Variants in ZNF385D observed in about 807,000 individuals in gnomAD.
ZNF385D encodes the protein zinc finger protein 385D, also known as zinc finger protein 659.
ZNF385D carries 15 observed loss-of-function variants against 35.8 expected under a neutral mutation model. That is an observed-to-expected ratio of 0.42 (90% confidence interval 0.28 to 0.64). ZNF385D has a LOEUF of 0.64. ZNF385D is among the 30% of genes least tolerant of loss of function. The pLI is 0.23. For missense variants in ZNF385D, 474 were observed against 494.6 expected (o/e 0.96, Z 0.39); for synonymous variants, 212 against 186.8 (o/e 1.13, Z -1.10).
At chr3:21,970,512 C>A (rs1171126487) in intron 3 of ZNF385D, among the ~76,000 whole-genome samples, 2 of 149,112 alleles carry the variant, frequency 1.3e-5, no homozygotes, top group Non-Finnish European at 3.0e-5. Context: ...TAAAAAGACA[C>A]AAAAGAAAAA....
rs145842032 is a variant in ZNF385D at position 22,346,956 on chromosome 3, C to G, written c.106+25494G>C. On this transcript the variant is annotated intron_variant, in intron 2 of 5. Coordinates refer to the ZNF385D transcript ENST00000494108. ...TGTTGTTAATATGCTAGTGGAGAAT[C>G]CAAAGACAAGTATCCACCTAAGTAG... Among the ~76,000 whole-genome samples the G allele has an allele frequency of 1.4e-4, 21 of 152,234 alleles. No individual in the cohort carries two copies. The East Asian group carries it at 4.1e-3, about 29-fold the overall frequency.
intron 2 of ZNF385D, among the ~76,000 whole-genome samples, chr3:22,262,588 A>G (rs1179852210): frequency 6.6e-6 from 1 of 151,962 alleles, no homozygotes; most frequent in Non-Finnish European, 1.5e-5. Flanking sequence ...TCTTAACATA[A>G]AAACATTTGG....
intron 3 of ZNF385D, among the ~76,000 whole-genome samples, chr3:21,776,092 A>T (rs2071276503): frequency 1.3e-5 from 2 of 151,836 alleles, no homozygotes; most frequent in Admixed American, 6.6e-5. Context: ...TGTCATTAAA[A>T]TTATGCAAAA....
chr3:22,200,934 G>A (rs1371923825), intron 2 of ZNF385D, among the ~76,000 whole-genome samples: 1 of 152,056 alleles, frequency 6.6e-6, no homozygotes, highest in Non-Finnish European at 1.5e-5. Flanking sequence ...CTGTTACCCT[G>A]GTCTTTTTTC....
At chr3:21,460,675 T>C (rs949950431) in intron 4 of ZNF385D, among the ~76,000 whole-genome samples, 1 of 151,760 alleles carries the variant, frequency 6.6e-6, no homozygotes, top group Non-Finnish European at 1.5e-5. Context: ...TATCATTTTC[T>C]ATTCACTACA....
chr3:21,788,228 C>G (rs2071782843), intron 3 of ZNF385D, among the ~76,000 whole-genome samples: 1 of 152,224 alleles, frequency 6.6e-6, no homozygotes, highest in Admixed American at 6.5e-5. Context: ...CCTGTTATCT[C>G]AGCACTTCGG....
chr3:21,608,016 T>TTTTTTTTGTTTTTTTTTGG (rs1553622604), intron 2 of ZNF385D, among the ~76,000 whole-genome samples: 2 of 99,960 alleles, frequency 2.0e-5, no homozygotes, highest in South Asian at 8.9e-4. Flanking sequence ...TTTCTTCTTT[T>TTTTTTTTGTTTTTTTTTGG]TTTTTTGTTT....
rs561925721 is a variant in ZNF385D at position 22,314,865 on chromosome 3, C to G, written c.106+57585G>C. On this transcript the variant is annotated intron_variant, in intron 2 of 5. Transcript: ENST00000494108. Reference sequence around the variant, plus strand: ...GGAGGTCAGGACAGGGTCAGCCCCCCAAAAAACCAAACAGATGGTAGAGGG... The same window carrying G: ...GGAGGTCAGGACAGGGTCAGCCCCCGAAAAAACCAAACAGATGGTAGAGGG... Among the ~76,000 whole-genome samples the G allele has an allele frequency of 5.9e-5, 9 of 152,074 alleles. No homozygotes were observed. In the South Asian group the frequency reaches 1.9e-3, roughly 32 times the overall value.
chr3:21,722,027 G>A (rs2068561890), intron 1 of ZNF385D, among the ~76,000 whole-genome samples: 1 of 151,510 alleles, frequency 6.6e-6, no homozygotes, highest in Non-Finnish European at 1.5e-5. Flanking sequence ...TTGAACCCGG[G>A]AGGCGGAGGC....
intron 3 of ZNF385D, among the ~76,000 whole-genome samples, chr3:21,878,473 G>A (rs1698096904): frequency 6.6e-6 from 1 of 152,036 alleles, no homozygotes; most frequent in Non-Finnish European, 1.5e-5. Context: ...TATGTTTACA[G>A]AAAAGTGTAT....
chr3:21,864,898 C>T (rs1697254391), intron 3 of ZNF385D, among the ~76,000 whole-genome samples: 1 of 150,802 alleles, frequency 6.6e-6, no homozygotes. Context: ...GAAATGAAGC[C>T]TTGAGAGTTT....
intron 3 of ZNF385D, among the ~76,000 whole-genome samples, chr3:22,109,544 G>A (rs1222470806): frequency 2.6e-5 from 4 of 152,168 alleles, no homozygotes; most frequent in Non-Finnish European, 5.9e-5. Context: ...TGGGGCTGAG[G>A]CAAATAGGGT....
At chr3:21,541,629 T>G (rs2062178853) in intron 3 of ZNF385D, among the ~76,000 whole-genome samples, 1 of 152,168 alleles carries the variant, frequency 6.6e-6, no homozygotes, top group Non-Finnish European at 1.5e-5. Context: ...GAACAAACCC[T>G]CCTACTGTCC....
chr3:22,165,814 C>A (rs1400288441), intron 3 of ZNF385D, among the ~76,000 whole-genome samples: 1 of 152,182 alleles, frequency 6.6e-6, no homozygotes, highest in Non-Finnish European at 1.5e-5. Flanking sequence ...CCCAATCCCA[C>A]AGGCCAGGGT....
intron 1 of ZNF385D, among the ~76,000 whole-genome samples, chr3:21,715,332 G>A (rs1360564653): frequency 6.6e-6 from 1 of 151,874 alleles, no homozygotes. Context: ...CCCACGTATG[G>A]GTGAGACCAT....
intron 2 of ZNF385D, among the ~76,000 whole-genome samples, chr3:21,613,398 C>T (rs1287336542): frequency 6.7e-6 from 1 of 149,944 alleles, no homozygotes; most frequent in Non-Finnish European, 1.5e-5. Context: ...ATTTTTTTGG[C>T]GGTTTTAGAA....
chr3:21,730,843 A>G (rs748511036), intron 1 of ZNF385D, among the ~76,000 whole-genome samples: 1 of 151,600 alleles, frequency 6.6e-6, no homozygotes, highest in Non-Finnish European at 1.5e-5. Context: ...TTCCCACATC[A>G]CAAAATACAG....
chr3:22,241,760 C>A lies in ZNF385D; in HGVS notation c.107-72725G>T, dbSNP rs537074192. On this transcript the variant is annotated intron_variant, in intron 2 of 5. Transcript: ENST00000494108. ...TGAGGTGAGAAATACCTAAAAAAAACCTTTTTTTTCTTTAGAAAATAATAG... is the reference window on the plus strand; with the variant it reads ...TGAGGTGAGAAATACCTAAAAAAAAACTTTTTTTTCTTTAGAAAATAATAG... Among the ~76,000 whole-genome samples the A allele has an allele frequency of 1.7e-4, 25 of 150,766 alleles. 2 individuals are homozygous for A. Among genetic ancestry groups the A allele is most frequent in the African/African-American group, 4.7e-4 (19 of 40,780 alleles).
chr3:22,219,241 C>T (rs979663222), intron 2 of ZNF385D, among the ~76,000 whole-genome samples: 8 of 152,106 alleles, frequency 5.3e-5, no homozygotes, highest in African/African-American at 1.9e-4. Context: ...CAGTGCTCTC[C>T]TAGATGTGTC....
Sources: allele counts gnomAD v4.1 joint callset (sites outside exome capture counted in the v4.1 genomes callset), GRCh38; gene constraint gnomAD v4.1.1; transcripts MANE v1.5; gene names NCBI Gene and HGNC (gene_info 2026-07-23, HGNC 2026-07-21).